The following TAFA1 variants were observed in gnomAD, a reference collection of about 807,000 sequenced individuals.
TAFA1 encodes chemokine-like protein TAFA-1.
TAFA1 carries 4 observed loss-of-function variants against 18.5 expected under a neutral mutation model. The observed-to-expected ratio is 0.22, with a 90% CI of 0.11 to 0.49. The LOEUF is 0.49. TAFA1 is among the 20% of genes least tolerant of loss of function. TAFA1 has a pLI of 0.98. For missense variants in TAFA1, 147 were observed against 169.0 expected (o/e 0.87, Z 0.72); for synonymous variants, 56 against 55.2 (o/e 1.01, Z -0.06).
chr3:68,029,858 T>C (rs982607168), intron 2 of TAFA1, among the ~76,000 whole-genome samples: 2 of 152,178 alleles, frequency 1.3e-5, no homozygotes, highest in Non-Finnish European at 1.5e-5. Flanking sequence ...TGAATGCACA[T>C]TAGTTTCGTT....
the TAFA1 span, among the ~76,000 whole-genome samples, chr3:67,993,617 T>C: frequency 6.6e-6 from 1 of 152,234 alleles, no homozygotes; most frequent in East Asian, 1.9e-4. Context: ...TTATTCTTGC[T>C]ATTCCTGGCC....
rs115986083 is a variant in TAFA1, at chr3:68,340,435, T to C, written c.119-76845T>C. Among the ~76,000 whole-genome samples the C allele has an allele frequency of 4.8e-3, 729 of 152,338 alleles. 6 individuals carry two copies. The highest frequency in any genetic ancestry group is 0.016 in the African/African-American group (679 of 41,574). ...GTCATGTGAATGGAATGACTTTAAA[T>C]GTAGAAGGCATTTGAATGGTAGAAA... On this transcript the variant is annotated intron_variant, in intron 2 of 4. Transcript: ENST00000478136.
chr3:68,383,476 A>G (rs1462257108), intron 2 of TAFA1, among the ~76,000 whole-genome samples: 3 of 152,080 alleles, frequency 2.0e-5, no homozygotes, highest in Admixed American at 2.0e-4. Flanking sequence ...TATGCGATGA[A>G]TCACATTTAT....
At chr3:68,301,682 T>A (rs2068305133) in intron 2 of TAFA1, among the ~76,000 whole-genome samples, 1 of 152,032 alleles carries the variant, frequency 6.6e-6, no homozygotes, top group East Asian at 1.9e-4. Context: ...TCTGAACTAT[T>A]TAAGATAATG....
intron 2 of TAFA1, among the ~76,000 whole-genome samples, chr3:68,281,467 C>CTTTTTT (rs10713944): frequency 1.8e-5 from 2 of 111,746 alleles, no homozygotes; most frequent in Non-Finnish European, 3.6e-5. Context: ...CCACATTAAC[C>CTTTTTT]TTTTTTTTTT....
At position 68,070,736 on chromosome 3, in the gene TAFA1, C is replaced by T. The variant is rs188582172; in HGVS notation, c.118+63992C>T. The stretch of plus-strand genomic sequence containing the variant: ...TGAATGTTTTGCTGCTTAGAAATTT[C>T]TTCCTCCAGATAACCTAAATCATCT... On this transcript the variant is annotated intron_variant, in intron 2 of 4. Transcript: ENST00000478136. 2.8e-3 allele frequency among the ~76,000 whole-genome samples: 423 copies of T among 152,324 alleles called. 3 individuals are homozygous for T. The highest frequency in any genetic ancestry group is 9.7e-3 in the African/African-American group (405 of 41,574).
chr3:68,298,310 G>T (rs1002993350), intron 2 of TAFA1, among the ~76,000 whole-genome samples: 1 of 152,180 alleles, frequency 6.6e-6, no homozygotes, highest in African/African-American at 2.4e-5. Context: ...GGAAGTGAGG[G>T]TCCATGTAGG....
At chr3:68,425,004 A>C (rs2071024538) in intron 3 of TAFA1, among the ~76,000 whole-genome samples, 1 of 151,948 alleles carries the variant, frequency 6.6e-6, no homozygotes, top group Non-Finnish European at 1.5e-5. Context: ...AAGATAGCTA[A>C]GTGTTGCCTA....
At chr3:68,478,054 T>C (rs1188095998) in intron 3 of TAFA1, among the ~76,000 whole-genome samples, 1 of 152,216 alleles carries the variant, frequency 6.6e-6, no homozygotes, top group Non-Finnish European at 1.5e-5. Context: ...GGGTGAAATT[T>C]AGAGCAAAAA....
intron 2 of TAFA1, among the ~76,000 whole-genome samples, chr3:68,062,233 G>A (rs767516400): frequency 2.6e-5 from 4 of 152,212 alleles, no homozygotes; most frequent in East Asian, 3.9e-4. Flanking sequence ...CAAGGGCACC[G>A]CAACAGGGGA....
intron 2 of TAFA1, among the ~76,000 whole-genome samples, chr3:68,113,689 CA>C (rs1222663090): frequency 6.6e-6 from 1 of 151,988 alleles, no homozygotes; most frequent in African/African-American, 2.4e-5. Flanking sequence ...AAGGTTCCTA[CA>C]AAGTATTAAG....
intron 3 of TAFA1, among the ~76,000 whole-genome samples, chr3:68,433,645 G>A (rs2106844025): frequency 6.6e-6 from 1 of 152,210 alleles, no homozygotes; most frequent in East Asian, 1.9e-4. Context: ...TACTTATGTA[G>A]TGGGACAAGA....
At chr3:68,403,416 G>A (rs2070535332) in intron 2 of TAFA1, among the ~76,000 whole-genome samples, 1 of 152,206 alleles carries the variant, frequency 6.6e-6, no homozygotes, top group Admixed American at 6.5e-5. Context: ...GGCTGTGTTT[G>A]CAGGAGTTAC....
chr3:68,007,811 G>A (rs1704390497), intron 2 of TAFA1, among the ~76,000 whole-genome samples: 1 of 152,124 alleles, frequency 6.6e-6, no homozygotes, highest in Non-Finnish European at 1.5e-5. Context: ...CCTTTCCCTG[G>A]CTCCTCAGTC....
chr3:68,179,689 C>A (rs2066170961), intron 2 of TAFA1, among the ~76,000 whole-genome samples: 1 of 152,104 alleles, frequency 6.6e-6, no homozygotes, highest in Admixed American at 6.6e-5. Flanking sequence ...AGCTAATCTG[C>A]CTCTTCTTGA....
At chr3:68,234,353 C>T (rs2066904009) in intron 2 of TAFA1, among the ~76,000 whole-genome samples, 1 of 152,158 alleles carries the variant, frequency 6.6e-6, no homozygotes, top group South Asian at 2.1e-4. Context: ...ATTTAGGTTT[C>T]TTTCACATTA....
chr3:68,007,185 A>T (rs1704372930), intron 2 of TAFA1, among the ~76,000 whole-genome samples: 1 of 152,124 alleles, frequency 6.6e-6, no homozygotes, highest in East Asian at 1.9e-4. Flanking sequence ...TTAAAAAGTA[A>T]CTTACTATTT....
chr3:68,078,727 G>T (rs1478362688), intron 2 of TAFA1, among the ~76,000 whole-genome samples: 6 of 152,022 alleles, frequency 3.9e-5, no homozygotes, highest in Admixed American at 1.3e-4. Flanking sequence ...ATTTTATTGA[G>T]GATTTTTGCA....
At chr3:68,156,451 A>G (rs2065867653) in intron 2 of TAFA1, among the ~76,000 whole-genome samples, 1 of 152,120 alleles carries the variant, frequency 6.6e-6, no homozygotes, top group African/African-American at 2.4e-5. Context: ...CTTCTTATTA[A>G]GTGAGATTTT....
Sources: gnomAD v4.1 joint callset for allele counts (sites outside exome capture counted in the v4.1 genomes callset) on GRCh38, gnomAD v4.1.1 for gene constraint, MANE v1.5 for transcripts, NCBI Gene and HGNC (gene_info 2026-07-23, HGNC 2026-07-21) for gene names.